Variants in PDK2 observed in about 807,000 individuals in gnomAD.
PDK2 encodes pyruvate dehydrogenase kinase, isozyme 2.
A neutral mutation model predicts 50.4 loss-of-function variants in PDK2; 34 were observed. The observed-to-expected ratio is 0.68, with a 90% CI of 0.51 to 0.90. PDK2 has a LOEUF of 0.90. Among genes scored for constraint, PDK2 ranks in the 40% least tolerant of loss-of-function variants. The probability of loss-of-function intolerance (pLI) is 0.00; values close to 1 mark genes in which losing one functional copy is unlikely to be tolerated. For missense variants in PDK2, 377 were observed against 544.5 expected (o/e 0.69, Z 3.06); for synonymous variants, 232 against 216.0 (o/e 1.07, Z -0.65).
chr17:50,096,246 CA>C (rs1909935101), intron 1 of PDK2: 1 of 985,412 alleles, frequency 1.0e-6, no homozygotes. Flanking sequence ...GATGTGGAGT[CA>C]AGCCGCCTAT....
intron 2 of PDK2, chr17:50,097,849 C>A: frequency 2.8e-6 from 1 of 351,272 alleles, no homozygotes; most frequent in East Asian, 5.0e-5. Context: ...ACAGCCAAAA[C>A]CCCAATTCAG....
chr17:50,109,542 G>T lies in PDK2; in HGVS notation c.1083+142G>T, dbSNP rs1332468454. The stretch of plus-strand genomic sequence containing the variant: ...CTCTGAGAATCCAAGCAAAGCTACA[G>T]TTCCTCAACCTGAAGAACCCTCAAC... On this transcript the variant is annotated intron_variant, in intron 10 of 10. Transcript: ENST00000503176. The surrounding 1 kb of genome is among the most constrained non-coding windows in gnomAD (Gnocchi z 5.0). 3.4e-6 allele frequency: 2 copies of T among 586,232 alleles called. No homozygotes were observed. Among genetic ancestry groups the T allele is most frequent in the African/African-American group, 1.9e-5 (1 of 52,942 alleles). The allele number at this position is 586,232 out of a possible 1,614,324, so 36.3% of individuals were successfully genotyped here.
chr17:50,105,226 G>C (rs1910442309), intron 2 of PDK2, 145 bp from the exon 3 acceptor site: 1 of 509,340 alleles, frequency 2.0e-6, no homozygotes, highest in Non-Finnish European at 3.5e-6. Context: ...GAAATGGATG[G>C]AGAAAAATAG....
At chr17:50,103,782 G>A (rs913399536) in intron 2 of PDK2, among the ~76,000 whole-genome samples, 1 of 152,138 alleles carries the variant, frequency 6.6e-6, no homozygotes, top group African/African-American at 2.4e-5. Flanking sequence ...GGTGAGAGTC[G>A]AGCAGAATCA....
chr17:50,107,906 G>T (rs1598215031), intron 6 of PDK2: 2 of 539,462 alleles, frequency 3.7e-6, no homozygotes, highest in East Asian at 6.5e-5. Context: ...GTCAGGGCTG[G>T]CTCCCCACCC....
chr17:50,103,350 G>C (rs527498572), intron 2 of PDK2, among the ~76,000 whole-genome samples: 1 of 152,178 alleles, frequency 6.6e-6, no homozygotes, highest in East Asian at 1.9e-4. Context: ...GGGCACAGGG[G>C]CTCCAACATG....
rs766124127 is a variant in PDK2, at chr17:50,095,442, T to C, written c.7T>C (p.Trp3Arg). 1.2e-6 allele frequency: 2 copies of C among 1,600,774 alleles called. No individual in the cohort carries two copies. The highest frequency in any genetic ancestry group is 1.7e-6 in the Non-Finnish European group (2 of 1,173,874). MR[W>R]VWALLKNASL... is the part of the protein sequence containing the mutation. ...AGTCGCGGCCGCCGCAGCCATGCGC[T>C]GGGTGTGGGCGCTGCTGAAGAATGC... Residue 3 changes from tryptophan to arginine, a missense_variant, in exon 1 of 11, where the codon TGG becomes CGG. Physicochemically the swap from Trp to Arg is moderately radical, Grantham distance 101. This residue lies in a region of PDK2 where 100 missense variants were observed against 115.5 expected (regional missense o/e 0.87). Coordinates refer to ENST00000503176, the MANE Select transcript of PDK2 (RefSeq NM_002611.5).
At chr17:50,104,264 T>C (rs949658196) in intron 2 of PDK2, 24 of 152,196 alleles carry the variant, frequency 1.6e-4, no homozygotes. Context: ...GGCTTATTTT[T>C]TGGGGGGACA....
At chr17:50,097,160 G>A (rs549669369) in intron 1 of PDK2, among the ~76,000 whole-genome samples, 2 of 152,240 alleles carry the variant, frequency 1.3e-5, no homozygotes, top group South Asian at 4.1e-4. Flanking sequence ...GCTCCAAATG[G>A]GCCCAGGAGT....
Position 50,095,370 on chromosome 17 carries a change from T to C in PDK2, c.-66T>C. 8.2e-7 allele frequency: 1 copy of C among 1,224,850 alleles called. No individual in the cohort carries two copies. The highest frequency in any genetic ancestry group is 1.2e-6 in the Non-Finnish European group (1 of 859,984). 75.9% of individuals were successfully genotyped at this position (1,224,850 alleles called of 1,614,324 possible). ...GGAGGAGGCGGCCGAACCGCGTCGC[T>C]GGGCCGAAAGGTGCGCGAGCGCTGC... On this transcript the variant is annotated 5_prime_UTR_variant, in exon 1 of 11. Coordinates refer to ENST00000503176, the MANE Select transcript of PDK2 (RefSeq NM_002611.5).
Position 50,105,434 on chromosome 17 carries a change from C to T in PDK2, c.324C>T (p.Thr108=). Residue 108 remains threonine, a synonymous_variant, in exon 3 of 11, where the codon ACC becomes ACT. Transcript: ENST00000503176. The part of the protein sequence containing the change: ...FLDKDPEDHR[T]LSQFTDALVT... ...ACAAGGATCCCGAGGACCATCGCAC[C>T]CTGAGCCAGTGAGTGGGGGCCCTGG... is the stretch of plus-strand genomic sequence containing the variant. The T allele has an allele frequency of 6.2e-7, 1 of 1,613,740 alleles. No individual in the cohort carries two copies. Among genetic ancestry groups the T allele is most frequent in the Non-Finnish European group, 8.5e-7 (1 of 1,179,856 alleles).
rs745771547 is a variant in PDK2 at position 50,097,540 on chromosome 17, C to T, written c.236C>T (p.Pro79Leu). The T allele has an allele frequency of 6.8e-6, 11 of 1,613,510 alleles. No individual in the cohort carries two copies. Among genetic ancestry groups the T allele is most frequent in the Non-Finnish European group, 9.3e-6 (11 of 1,180,022 alleles). ...CTTCCCGACCGAGTGCTGAGCACAC[C>T]CTCCGTGCAGCTGGTGCAGAGCTGG... is the stretch of plus-strand genomic sequence containing the variant. ...NLLPDRVLST[P>L]SVQLVQSWYV... The change falls in exon 2 of 11, where the codon CCC (proline) becomes CTC (leucine). Residue 79 changes from proline to leucine, a missense_variant. By Grantham distance (98) the Pro-to-Leu change is moderately conservative (BLOSUM62 -3). Coordinates refer to ENST00000503176, the MANE Select transcript of PDK2 (RefSeq NM_002611.5).
At chr17:50,095,330 C>A, upstream of PDK2, 1 of 740,120 alleles carries the variant, frequency 1.4e-6, no homozygotes, top group Non-Finnish European at 2.2e-6. Flanking sequence ...GGAATGCCCG[C>A]CAGGGCAAGG....
chr17:50,105,129 C>T, intron 2 of PDK2: 1 of 438,970 alleles, frequency 2.3e-6, no homozygotes, highest in Non-Finnish European at 4.0e-6. Flanking sequence ...TCTAGGATTC[C>T]AAAGCAAAGG....
At chr17:50,100,762 T>TCA (rs1454804776) in intron 2 of PDK2, 25 of 152,228 alleles carry the variant, frequency 1.6e-4, no homozygotes, top group Admixed American at 1.6e-3. Context: ...AAACTGAGGT[T>TCA]CAGAGAGGTG....
At chr17:50,104,626 C>T (rs1233294474) in intron 2 of PDK2, among the ~76,000 whole-genome samples, 1 of 152,184 alleles carries the variant, frequency 6.6e-6, no homozygotes, top group African/African-American at 2.4e-5. Flanking sequence ...GCCTCCCCAT[C>T]AGGCCTGTAG....
At chr17:50,096,514 C>A (rs1909958335) in intron 1 of PDK2, among the ~76,000 whole-genome samples, 1 of 152,132 alleles carries the variant, frequency 6.6e-6, no homozygotes, top group South Asian at 2.1e-4. Flanking sequence ...AGAGAGGTGG[C>A]AGCCGAGACA....
Position 50,109,424 on chromosome 17 carries a change from C to T in PDK2, c.1083+24C>T. On this transcript the variant is annotated intron_variant, in intron 10 of 10. Transcript: ENST00000503176. This position sits in a 1 kb window ranked among gnomAD's most constrained non-coding sequence, Gnocchi z 5.0. ...AGGTGAGGGCCCTTCCCGCAGAGCC[C>T]AGCTGGAGAAGAGCTTTGCTGATAG... is the stretch of plus-strand genomic sequence containing the variant. 6.6e-7 allele frequency: 1 copy of T among 1,517,732 alleles called. No homozygotes were observed. Among genetic ancestry groups the T allele is most frequent in the Non-Finnish European group, 9.1e-7 (1 of 1,099,306 alleles). 94.0% of individuals were successfully genotyped at this position (1,517,732 alleles called of 1,614,324 possible). A position where few individuals can be genotyped will look rare whatever the true frequency, so the allele number is the denominator to read the frequency against.
At chr17:50,096,271 G>A (rs1909937134) in intron 1 of PDK2, 2 of 985,354 alleles carry the variant, frequency 2.0e-6, no homozygotes, top group South Asian at 9.4e-5. Context: ...TCCCTTGGCT[G>A]CCCCAGGGCT....
Sources: allele counts gnomAD v4.1 joint callset (sites outside exome capture counted in the v4.1 genomes callset), GRCh38; gene constraint gnomAD v4.1.1; regional missense constraint gnomAD v4.1.1; non-coding constraint Gnocchi (gnomAD v3.1); transcripts MANE v1.5; gene names NCBI Gene and HGNC (gene_info 2026-07-23, HGNC 2026-07-21).